SEMA3D: variants seen among roughly 807,000 people sequenced by gnomAD.
The protein encoded by SEMA3D is semaphorin 3D, also known as semaphorin-3D.
A neutral mutation model predicts 100.1 loss-of-function variants in SEMA3D; 84 were observed. The ratio of observed to expected loss-of-function variants is 0.84; its 90% CI spans 0.70 to 1.01. SEMA3D has a LOEUF of 1.01. Ranked by LOEUF, SEMA3D falls within the 50% of genes least tolerant of loss-of-function variation. SEMA3D has a pLI of 0.00. For missense variants in SEMA3D, 875 were observed against 934.1 expected (o/e 0.94, Z 0.82); for synonymous variants, 312 against 320.7 (o/e 0.97, Z 0.29).
At chr7:85,213,497 T>G in the SEMA3D span, among the ~76,000 whole-genome samples, 1 of 152,106 alleles carries the variant, frequency 6.6e-6, no homozygotes, top group Non-Finnish European at 1.5e-5. Flanking sequence ...TTTATTGTTA[T>G]TGATTGATTA....
the SEMA3D span, among the ~76,000 whole-genome samples, chr7:85,204,026 A>C: frequency 1.3e-5 from 2 of 152,106 alleles, no homozygotes; most frequent in Admixed American, 6.6e-5. Flanking sequence ...AAATATTTAA[A>C]AATTACATGT....
At chr7:85,158,347 G>T (rs11978933) in intron 1 of SEMA3D, among the ~76,000 whole-genome samples, 97,874 of 152,000 alleles carry the variant, frequency 0.64, 32,198 homozygotes, top group East Asian at 0.9. Context: ...GGGAGGCCTC[G>T]AAAATGGCCG....
chr7:85,020,236 G>A lies in SEMA3D; in HGVS notation c.1500C>T (p.Phe500=), dbSNP rs375403623. 3 of 1,603,720 alleles carry A rather than the reference G, an allele frequency of 1.9e-6. No homozygotes were observed. The Admixed American group carries it at 5.0e-5, about 27-fold the overall frequency. ...GGCACTCTGGACTGAGTCTTACCTT[G>A]AATATCTGCAACTCCTCCAGCACTA... ...EEVVLEELQI[F]KHSSIILNME... is the part of the protein sequence containing the mutation. The change falls in exon 14 of 19, where the codon TTC becomes TTT. Residue 500 remains phenylalanine, a synonymous_variant. Transcript: ENST00000284136.
intron 12 of SEMA3D, among the ~76,000 whole-genome samples, chr7:85,022,913 T>C (rs1790295892): frequency 6.6e-6 from 1 of 151,906 alleles, no homozygotes; most frequent in Non-Finnish European, 1.5e-5. Context: ...ATATTTGAAA[T>C]CTAACTTGAA....
intron 3 of SEMA3D, among the ~76,000 whole-genome samples, chr7:85,107,868 A>G (rs1788977445): frequency 6.6e-6 from 1 of 151,810 alleles, no homozygotes; most frequent in Non-Finnish European, 1.5e-5. Flanking sequence ...CCATATTACT[A>G]CTTCTCTAAA....
At chr7:85,025,555 C>G (rs571764986) in intron 12 of SEMA3D, among the ~76,000 whole-genome samples, 1 of 151,934 alleles carries the variant, frequency 6.6e-6, no homozygotes, top group Non-Finnish European at 1.5e-5. Flanking sequence ...TGGCAAAGCC[C>G]CAGACAGCTG....
At chr7:85,040,602 A>T in intron 11 of SEMA3D, 71 bp downstream of exon 11, 2 of 793,286 alleles carry the variant, frequency 2.5e-6, no homozygotes, top group Non-Finnish European at 4.3e-6. Flanking sequence ...GGACAAAAAG[A>T]TCCTATAACT....
At chr7:85,225,750 G>A in the SEMA3D span, among the ~76,000 whole-genome samples, 9 of 151,962 alleles carry the variant, frequency 5.9e-5, no homozygotes, top group African/African-American at 1.9e-4. Flanking sequence ...AGCCCCACAG[G>A]TCCCTGCCTG....
intron 9 of SEMA3D, among the ~76,000 whole-genome samples, chr7:85,044,402 C>T (rs1009875313): frequency 3.3e-5 from 5 of 152,020 alleles, no homozygotes; most frequent in Admixed American, 1.3e-4. Context: ...ACAAAAGATA[C>T]ATTTTCAGTA....
chr7:85,026,206 C>T (rs1790386519), intron 12 of SEMA3D, among the ~76,000 whole-genome samples: 4 of 151,978 alleles, frequency 2.6e-5, no homozygotes, highest in South Asian at 4.1e-4. Context: ...CTCTGCTTCT[C>T]CCTTCTAGAA....
At chr7:85,143,080 G>A (rs1790103173) in intron 2 of SEMA3D, 1 of 928,822 alleles carries the variant, frequency 1.1e-6, no homozygotes, top group Non-Finnish European at 1.3e-6. Context: ...CTTACAATTA[G>A]TTATTCACAA....
the SEMA3D span, among the ~76,000 whole-genome samples, chr7:85,230,569 T>C: frequency 1.3e-5 from 2 of 152,216 alleles, no homozygotes; most frequent in South Asian, 4.1e-4. Flanking sequence ...TTCATTTCCC[T>C]TTTCCTCGAT....
At chr7:85,116,633 G>A (rs1325585521) in intron 3 of SEMA3D, among the ~76,000 whole-genome samples, 1 of 151,596 alleles carries the variant, frequency 6.6e-6, no homozygotes, top group Non-Finnish European at 1.5e-5. Context: ...CTGATATCTA[G>A]TTTAAAAAGT....
chr7:85,042,346 A>C, intron 9 of SEMA3D, 61 bp from the exon 10 acceptor site: 1 of 1,181,414 alleles, frequency 8.5e-7, no homozygotes, highest in Non-Finnish European at 1.3e-6. Flanking sequence ...ACTCACTAAA[A>C]CTGGTGGCTA....
chr7:85,112,211 T>C (rs1018694477), intron 3 of SEMA3D, among the ~76,000 whole-genome samples: 3 of 152,174 alleles, frequency 2.0e-5, no homozygotes, highest in Non-Finnish European at 4.4e-5. Flanking sequence ...TTGAGACACA[T>C]GCTTAATTTC....
the SEMA3D span, among the ~76,000 whole-genome samples, chr7:85,248,878 T>G: frequency 6.6e-6 from 1 of 152,158 alleles, no homozygotes; most frequent in South Asian, 2.1e-4. Flanking sequence ...GGAGTAAAAC[T>G]TCTGTGTGAT....
rs193128630 is a variant in SEMA3D, at chr7:85,130,177, C to G, written c.-40-8246G>C. 3.9e-5 allele frequency among the ~76,000 whole-genome samples: 6 copies of G among 152,122 alleles called. No individual in the cohort carries two copies. The East Asian group carries it at 1.2e-3, about 29-fold the overall frequency. ...AGCATCACATGTGGAATTTAGGAAC[C>G]AAGTCTTCATATCGGATTTGAATTT... On this transcript the variant is annotated intron_variant, in intron 2 of 18. Coordinates refer to ENST00000284136, the MANE Select transcript of SEMA3D (RefSeq NM_001384900.1).
chr7:85,011,722 A>C (rs1326300688), intron 17 of SEMA3D, among the ~76,000 whole-genome samples: 3 of 151,844 alleles, frequency 2.0e-5, no homozygotes, highest in Non-Finnish European at 4.4e-5. Context: ...ATCACAATGA[A>C]TCACCTACAC....
the SEMA3D span, among the ~76,000 whole-genome samples, chr7:85,222,105 G>A: frequency 1.3e-5 from 2 of 152,002 alleles, no homozygotes; most frequent in African/African-American, 4.8e-5. Context: ...TAGAATATAT[G>A]CCCTAAAAAT....
Sources: allele counts gnomAD v4.1 joint callset (sites outside exome capture counted in the v4.1 genomes callset), GRCh38; gene constraint gnomAD v4.1.1; transcripts MANE v1.5; gene names NCBI Gene and HGNC (gene_info 2026-07-23, HGNC 2026-07-21).